The following C8orf34 variants were observed in gnomAD, a reference collection of about 807,000 sequenced individuals.
C8orf34 encodes the protein uncharacterized protein C8orf34.
In C8orf34, 65 loss-of-function variants were observed where a neutral mutation model predicts 68.3. That is an observed-to-expected ratio of 0.95 (90% CI 0.78 to 1.17). The LOEUF is 1.17. Ranked by LOEUF, C8orf34 falls within the 50% of genes most tolerant of loss-of-function variation. The probability of loss-of-function intolerance (pLI) is 0.00; values close to 1 mark genes in which losing one functional copy is unlikely to be tolerated. For missense variants in C8orf34, 664 were observed against 655.4 expected (o/e 1.01, Z -0.14); for synonymous variants, 244 against 241.2 (o/e 1.01, Z -0.11).
chr8:68,781,625 A>G (rs558195855), intron 11 of C8orf34, among the ~76,000 whole-genome samples: 11 of 152,288 alleles, frequency 7.2e-5, no homozygotes, highest in Admixed American at 3.9e-4. Flanking sequence ...ATCAAAAAGA[A>G]TTATATGTAG....
In C8orf34 at chr8:68,677,183, G is replaced by A. The variant is rs1820218633; in HGVS notation, c.1242-31811G>A. On this transcript the variant is annotated intron_variant, in intron 8 of 13. Transcript: ENST00000518698. Reference sequence around the variant, plus strand: ...CAATATGCTCCTGACTGACCAGTGGGTCAATAAAGGAATTAAGAAGAAAAT... The same window carrying A: ...CAATATGCTCCTGACTGACCAGTGGATCAATAAAGGAATTAAGAAGAAAAT... 3.3e-5 allele frequency among the ~76,000 whole-genome samples: 5 copies of A among 152,252 alleles called. No individual in the cohort carries two copies. In the South Asian group the frequency reaches 1.0e-3, roughly 32 times the overall value.
intron 8 of C8orf34, among the ~76,000 whole-genome samples, chr8:68,679,855 G>T (rs1437612909): frequency 3.3e-5 from 5 of 152,168 alleles, no homozygotes; most frequent in Non-Finnish European, 5.9e-5. Flanking sequence ...AATAAATGGT[G>T]CTGGGAAAAC....
intron 7 of C8orf34, among the ~76,000 whole-genome samples, chr8:68,537,656 CATATT>C (rs1421896783): frequency 2.0e-5 from 3 of 151,938 alleles, no homozygotes; most frequent in Non-Finnish European, 2.9e-5. Context: ...TCATTTTCAT[CATATT>C]ATCATGTTAA....
intron 10 of C8orf34, among the ~76,000 whole-genome samples, chr8:68,730,859 T>C (rs1363861670): frequency 3.3e-5 from 5 of 152,078 alleles, no homozygotes; most frequent in Admixed American, 3.3e-4. Context: ...CAGCATGAGA[T>C]CCCAGTCATG....
chr8:68,521,156 CTTGCCCT>C (rs1814739042), intron 5 of C8orf34, among the ~76,000 whole-genome samples: 1 of 152,164 alleles, frequency 6.6e-6, no homozygotes, highest in African/African-American at 2.4e-5. Context: ...TGCTTTTTAA[CTTGCCCT>C]TTTTTCACAT....
intron 5 of C8orf34, among the ~76,000 whole-genome samples, chr8:68,504,764 C>A (rs1813933506): frequency 6.6e-6 from 1 of 151,734 alleles, no homozygotes; most frequent in African/African-American, 2.4e-5. Flanking sequence ...ACTGCAACCT[C>A]CACCTTCTGC....
rs372417893 is a variant in C8orf34, at chr8:68,492,689, T to G, written c.765+4638T>G. Among the ~76,000 whole-genome samples, 13 of 152,232 alleles carry G rather than the reference T, an allele frequency of 8.5e-5. No individual in the cohort carries two copies. In the East Asian group the frequency reaches 2.5e-3, roughly 29 times the overall value. ...CTTCTAGGTCATAGTTTTATTTATT[T>G]TCACATTTTTGTTCATGTCATTCCC... On this transcript the variant is annotated intron_variant, in intron 5 of 13. Transcript: ENST00000518698.
At chr8:68,518,756 C>T (rs1405808713) in intron 5 of C8orf34, among the ~76,000 whole-genome samples, 1 of 151,856 alleles carries the variant, frequency 6.6e-6, no homozygotes, top group African/African-American at 2.4e-5. Flanking sequence ...ATTAGCTGGG[C>T]ATGGTGGTGT....
intron 7 of C8orf34, among the ~76,000 whole-genome samples, chr8:68,638,893 T>C (rs1818922565): frequency 6.6e-6 from 1 of 152,150 alleles, no homozygotes; most frequent in Non-Finnish European, 1.5e-5. Flanking sequence ...CGGTTTTCAA[T>C]GGCAGTTCTT....
intron 1 of C8orf34, among the ~76,000 whole-genome samples, chr8:68,374,233 T>A (rs530170405): frequency 4.6e-5 from 7 of 152,218 alleles, no homozygotes; most frequent in Admixed American, 3.9e-4. Flanking sequence ...TTTCTTACTA[T>A]GATTGTACTT....
At chr8:68,535,464 A>T in intron 7 of C8orf34, 5 of 969,000 alleles carry the variant, frequency 5.2e-6, no homozygotes, top group Non-Finnish European at 6.1e-6. Flanking sequence ...TTGTTAGTTG[A>T]CATTAATATA....
chr8:68,505,211 G>T (rs1813955654), intron 5 of C8orf34, among the ~76,000 whole-genome samples: 1 of 152,068 alleles, frequency 6.6e-6, no homozygotes, highest in South Asian at 2.1e-4. Flanking sequence ...GTTTGTCTTT[G>T]AAATTATAGC....
At chr8:68,666,952 C>T (rs1390671968) in intron 8 of C8orf34, among the ~76,000 whole-genome samples, 1 of 152,078 alleles carries the variant, frequency 6.6e-6, no homozygotes, top group Non-Finnish European at 1.5e-5. Context: ...TATTATATCA[C>T]TATAATATGT....
intron 1 of C8orf34, among the ~76,000 whole-genome samples, chr8:68,370,691 C>T (rs1400852286): frequency 6.6e-6 from 1 of 152,108 alleles, no homozygotes; most frequent in Non-Finnish European, 1.5e-5. Flanking sequence ...GTTTGCAGGA[C>T]TCTGCTGAGG....
intron 9 of C8orf34, among the ~76,000 whole-genome samples, chr8:68,710,469 G>A (rs1821300499): frequency 6.6e-6 from 1 of 152,100 alleles, no homozygotes; most frequent in Admixed American, 6.5e-5. Flanking sequence ...TTAGGACTAT[G>A]GGCTGCCTTG....
At chr8:68,713,910 A>G (rs1225863419) in intron 9 of C8orf34, among the ~76,000 whole-genome samples, 2 of 152,170 alleles carry the variant, frequency 1.3e-5, no homozygotes, top group Non-Finnish European at 2.9e-5. Flanking sequence ...CTAGTAAACC[A>G]AATCCAGCAG....
At chr8:68,694,311 T>C (rs546738318) in intron 8 of C8orf34, among the ~76,000 whole-genome samples, 1 of 151,384 alleles carries the variant, frequency 6.6e-6, no homozygotes, top group East Asian at 1.9e-4. Flanking sequence ...AAACACATTA[T>C]TTAGTGATTT....
chr8:68,792,254 C>A (rs1824017687), intron 12 of C8orf34: 3 of 151,978 alleles, frequency 2.0e-5, no homozygotes, highest in African/African-American at 7.3e-5. Flanking sequence ...CAGAAAGAGA[C>A]CATATTAAAA....
At chr8:68,575,832 C>G (rs1008903158) in intron 7 of C8orf34, among the ~76,000 whole-genome samples, 67 of 151,920 alleles carry the variant, frequency 4.4e-4, no homozygotes, top group African/African-American at 1.4e-3. Flanking sequence ...ATCATTGGCT[C>G]CTAGTGACAA....
Sources: gnomAD v4.1 joint callset for allele counts (sites outside exome capture counted in the v4.1 genomes callset) on GRCh38, gnomAD v4.1.1 for gene constraint, MANE v1.5 for transcripts, NCBI Gene and HGNC (gene_info 2026-07-23, HGNC 2026-07-21) for gene names.